Variants in CTTNBP2NL observed in about 807,000 individuals in gnomAD.
CTTNBP2NL encodes the protein CTTNBP2 N-terminal-like protein.
CTTNBP2NL carries 16 observed loss-of-function variants against 32.5 expected under a neutral mutation model. The observed-to-expected ratio is 0.49, with a 90% CI of 0.33 to 0.75. The LOEUF is 0.75. Among genes scored for constraint, CTTNBP2NL ranks in the 30% least tolerant of loss-of-function variants. The pLI is 0.02. For missense variants in CTTNBP2NL, 645 were observed against 756.0 expected (o/e 0.85, Z 1.72); for synonymous variants, 298 against 289.4 (o/e 1.03, Z -0.30).
Position 112,456,005 on chromosome 1 carries a change from G to A in CTTNBP2NL, c.513G>A (p.Glu171=). 6.2e-7 allele frequency: 1 copy of A among 1,613,826 alleles called. No homozygotes were observed. The highest frequency in any genetic ancestry group is 8.5e-7 in the Non-Finnish European group (1 of 1,179,960). The change falls in exon 6 of 6, where the codon GAG becomes GAA. Residue 171 remains glutamate, a synonymous_variant. Coordinates refer to ENST00000271277, the MANE Select transcript of CTTNBP2NL (RefSeq NM_018704.3). ...AGCTCTCTAGTCAGCTGGAAGAGGA[G>A]CGCTCCCGCCACAAGCAGCTCTCAT... ...QKKLSSQLEE[E]RSRHKQLSSM...
intron 1 of CTTNBP2NL, among the ~76,000 whole-genome samples, chr1:112,409,788 TAACCGA>T (rs1648798255): frequency 6.6e-6 from 1 of 152,150 alleles, no homozygotes; most frequent in African/African-American, 2.4e-5. Context: ...AGAAGAAGCA[TAACCGA>T]AACCAGAATA....
At chr1:112,409,334 TAA>T (rs1648786377) in intron 1 of CTTNBP2NL, among the ~76,000 whole-genome samples, 1 of 152,114 alleles carries the variant, frequency 6.6e-6, no homozygotes, top group Non-Finnish European at 1.5e-5. Flanking sequence ...AGTATATAAT[TAA>T]AAAGTGATTT....
At chr1:112,442,313 G>A (rs1305356752) in intron 3 of CTTNBP2NL, among the ~76,000 whole-genome samples, 1 of 152,148 alleles carries the variant, frequency 6.6e-6, no homozygotes, top group African/African-American at 2.4e-5. Flanking sequence ...AGTAGAAACA[G>A]AGTTTCACCA....
At chr1:112,405,156 A>G (rs1396569370) in intron 1 of CTTNBP2NL, among the ~76,000 whole-genome samples, 1 of 152,254 alleles carries the variant, frequency 6.6e-6, no homozygotes, top group Non-Finnish European at 1.5e-5. Context: ...AAAATGTTCA[A>G]TGATAAAAAA....
upstream of CTTNBP2NL, among the ~76,000 whole-genome samples, chr1:112,391,563 TG>T (rs906903906): frequency 6.6e-6 from 1 of 152,158 alleles, no homozygotes; most frequent in African/African-American, 2.4e-5. Context: ...GACAACCACC[TG>T]GTCTTGTAGA....
intron 3 of CTTNBP2NL, among the ~76,000 whole-genome samples, chr1:112,428,736 T>C: frequency 1.3e-5 from 2 of 152,300 alleles, no homozygotes; most frequent in East Asian, 3.9e-4. Flanking sequence ...TATACTATAA[T>C]ATTTATACTA....
At chr1:112,449,427 TTGTA>T (rs1205437244) in intron 4 of CTTNBP2NL, among the ~76,000 whole-genome samples, 1 of 121,784 alleles carries the variant, frequency 8.2e-6, no homozygotes, top group Non-Finnish European at 1.9e-5. Context: ...CCAAAACACT[TTGTA>T]TGTTTTTTCA....
At chr1:112,454,680 C>A in intron 5 of CTTNBP2NL, 124 bp downstream of exon 5, 1 of 743,076 alleles carries the variant, frequency 1.3e-6, no homozygotes, top group Non-Finnish European at 2.3e-6. Flanking sequence ...AGTTTAGGAA[C>A]TACTGGATTA....
chr1:112,447,272 TAAAA>T (rs35522134), intron 3 of CTTNBP2NL, among the ~76,000 whole-genome samples: 4 of 69,696 alleles, frequency 5.7e-5, no homozygotes, highest in South Asian at 5.9e-4. Context: ...AGACTCCATC[TAAAA>T]AAAAAAAAAA....
Position 112,416,240 on chromosome 1 carries a change from G to C in CTTNBP2NL, c.75G>C (p.Arg25Ser). The C allele has an allele frequency of 6.3e-7, 1 of 1,596,398 alleles. No individual in the cohort carries two copies. The highest frequency in any genetic ancestry group is 8.6e-7 in the Non-Finnish European group (1 of 1,169,552). The stretch of plus-strand genomic sequence containing the variant: ...TTCTTGAAGGAGAGCTTGAAGCAAG[G>C]GACCTTGTTATAGAAGCCTTAAAGG... ...FSILEGELEA[R>S]DLVIEALKAQ... Residue 25 changes from arginine (R) to serine (S), a missense_variant, in exon 3 of 6, where the codon AGG becomes AGC. Physicochemically the swap from Arg to Ser is moderately radical, Grantham distance 110. Transcript: ENST00000271277.
rs1408675048 is a variant in CTTNBP2NL, at chr1:112,459,541, T to A, written c.*2129T>A. On this transcript the variant is annotated 3_prime_UTR_variant, in exon 6 of 6. Coordinates refer to ENST00000271277, the MANE Select transcript of CTTNBP2NL (RefSeq NM_018704.3). ...GGAGTATATTGGCAACTCCACAGCT[T>A]ATAGTTTGATAAAGGCAAATACATG... 3 of 152,202 alleles carry A rather than the reference T, an allele frequency of 2.0e-5. No homozygotes were observed. In the East Asian group the frequency reaches 5.8e-4, roughly 29 times the overall value. The allele number at this position is 152,202 out of a possible 1,614,324, so 9.4% of individuals were successfully genotyped here.
At chr1:112,411,649 G>A (rs1269268983) in intron 1 of CTTNBP2NL, among the ~76,000 whole-genome samples, 1 of 151,600 alleles carries the variant, frequency 6.6e-6, no homozygotes, top group Middle Eastern at 3.2e-3. Context: ...TTCCTTATAT[G>A]AATTTGGCAG....
At chr1:112,398,553 C>T (rs747759433) in intron 1 of CTTNBP2NL, among the ~76,000 whole-genome samples, 15 of 152,170 alleles carry the variant, frequency 9.9e-5, no homozygotes, top group Non-Finnish European at 1.5e-4. Context: ...TTAGTATAAA[C>T]GGCCTACTTG....
intron 1 of CTTNBP2NL, among the ~76,000 whole-genome samples, chr1:112,398,776 A>G (rs544007895): frequency 6.9e-6 from 1 of 144,936 alleles, no homozygotes; most frequent in Admixed American, 7.3e-5. Flanking sequence ...ATGCCACTGC[A>G]CTCTCCAGCC....
intron 3 of CTTNBP2NL, among the ~76,000 whole-genome samples, chr1:112,438,303 G>A (rs1649798286): frequency 6.6e-6 from 1 of 151,998 alleles, no homozygotes; most frequent in Non-Finnish European, 1.5e-5. Flanking sequence ...TCTATGTGTG[G>A]CGACTGTGAA....
At chr1:112,420,708 T>G (rs1314244630) in intron 3 of CTTNBP2NL, among the ~76,000 whole-genome samples, 1 of 150,786 alleles carries the variant, frequency 6.6e-6, no homozygotes. Context: ...CTCAAGCAGT[T>G]CTGCTGTCCC....
chr1:112,430,677 C>A (rs1384284669), intron 3 of CTTNBP2NL, among the ~76,000 whole-genome samples: 1 of 151,952 alleles, frequency 6.6e-6, no homozygotes, highest in Non-Finnish European at 1.5e-5. Context: ...CCTCAGCCTC[C>A]CGAATAGCTG....
rs543783084 is a variant in CTTNBP2NL at position 112,410,539 on chromosome 1, A to C, written c.-133-1655A>C. On this transcript the variant is annotated intron_variant, in intron 1 of 5. Transcript: ENST00000271277. ...TTTTATTGAGAAAACTATAAAGCTT[A>C]ATATAGCTATAGCTGGCTATGCCAC... Among the ~76,000 whole-genome samples the C allele has an allele frequency of 1.0e-3, 155 of 152,338 alleles. 2 individuals carry two copies. The highest frequency in any genetic ancestry group is 1.7e-3 in the Non-Finnish European group (117 of 68,038).
At chr1:112,400,966 CAAAAAAAA>C (rs56784970) in intron 1 of CTTNBP2NL, among the ~76,000 whole-genome samples, 8 of 102,888 alleles carry the variant, frequency 7.8e-5, no homozygotes, top group African/African-American at 2.3e-4. Flanking sequence ...ACTCTGTCAC[CAAAAAAAA>C]AAAAAAAAAA....
Sources: gnomAD v4.1 joint callset for allele counts (sites outside exome capture counted in the v4.1 genomes callset) on GRCh38, gnomAD v4.1.1 for gene constraint, MANE v1.5 for transcripts, NCBI Gene and HGNC (gene_info 2026-07-23, HGNC 2026-07-21) for gene names.